The following THSD7B variants were observed in gnomAD, a reference collection of about 807,000 sequenced individuals.
THSD7B encodes the protein thrombospondin type-1 domain-containing protein 7B.
In THSD7B, 138 loss-of-function variants were observed where a neutral mutation model predicts 213.6. The ratio of observed to expected loss-of-function variants is 0.65; its 90% CI spans 0.56 to 0.74. The LOEUF is 0.74. Ranked by LOEUF, THSD7B falls within the 30% of genes least tolerant of loss-of-function variation. The pLI is 0.00. For synonymous variants in THSD7B, 742 were observed against 687.0 expected (o/e 1.08, Z -1.25); for missense variants, 1,931 against 1,991.5 (o/e 0.97, Z 0.58).
chr2:137,652,477 C>T (rs1683159606), intron 21 of THSD7B, among the ~76,000 whole-genome samples: 1 of 152,028 alleles, frequency 6.6e-6, no homozygotes, highest in African/African-American at 2.4e-5. Flanking sequence ...TTCTTGTAGA[C>T]AGTATATACT....
intron 1 of THSD7B, among the ~76,000 whole-genome samples, chr2:136,877,029 A>T (rs1355737061): frequency 6.6e-6 from 1 of 152,058 alleles, no homozygotes; most frequent in Non-Finnish European, 1.5e-5. Context: ...CCTGATGGTG[A>T]TGTGTGCGTC....
At chr2:137,377,942 G>A (rs1161931716) in intron 12 of THSD7B, among the ~76,000 whole-genome samples, 1 of 152,126 alleles carries the variant, frequency 6.6e-6, no homozygotes, top group African/African-American at 2.4e-5. Context: ...ACCCTTTAAA[G>A]TGTACTATTT....
Position 137,043,923 on chromosome 2 carries a change from C to T in THSD7B, c.140-12497C>T, listed in dbSNP as rs376003956. Among the ~76,000 whole-genome samples, 14 of 152,318 alleles carry T rather than the reference C, an allele frequency of 9.2e-5. No individual in the cohort carries two copies. In the South Asian group the frequency reaches 1.0e-3, roughly 11 times the overall value. On this transcript the variant is annotated intron_variant, in intron 2 of 27. Transcript: ENST00000409968. ...ACACATCTCTCCCATCCTTTAACCC[C>T]CACACTGAAGGTGAGTACTAGGTTT...
chr2:137,195,406 A>C (rs925706588), intron 7 of THSD7B, among the ~76,000 whole-genome samples: 1 of 152,044 alleles, frequency 6.6e-6, no homozygotes, highest in Admixed American at 6.6e-5. Context: ...TACTAAAATA[A>C]CCCTGGGCCC....
intron 2 of THSD7B, among the ~76,000 whole-genome samples, chr2:136,886,567 T>C (rs1055821809): frequency 6.6e-6 from 1 of 152,190 alleles, no homozygotes; most frequent in Non-Finnish European, 1.5e-5. Flanking sequence ...TACTGATGTG[T>C]GTTGAGTAAA....
chr2:137,588,832 C>T (rs775574187), intron 17 of THSD7B, among the ~76,000 whole-genome samples: 1 of 151,740 alleles, frequency 6.6e-6, no homozygotes, highest in Non-Finnish European at 1.5e-5. Flanking sequence ...GTTGCTCAGG[C>T]TGGAGTGCAA....
chr2:136,790,115 GTGTT>G (rs1397793362), intron 1 of THSD7B, among the ~76,000 whole-genome samples: 2 of 146,458 alleles, frequency 1.4e-5, no homozygotes, highest in Non-Finnish European at 3.1e-5. Flanking sequence ...GTTTGTGTGT[GTGTT>G]TGTGTGTGTG....
intron 12 of THSD7B, among the ~76,000 whole-genome samples, chr2:137,384,645 G>T (rs1685852286): frequency 6.6e-6 from 1 of 152,164 alleles, no homozygotes. Context: ...CTCTACAGGG[G>T]CCCCACTCCA....
chr2:136,991,327 A>G (rs1272111787), intron 2 of THSD7B, among the ~76,000 whole-genome samples: 3 of 152,232 alleles, frequency 2.0e-5, no homozygotes, highest in African/African-American at 2.4e-5. Context: ...CTTTGGTCAC[A>G]TGAAGGATAT....
At chr2:136,959,951 C>T (rs965314903) in intron 2 of THSD7B, among the ~76,000 whole-genome samples, 6 of 152,112 alleles carry the variant, frequency 3.9e-5, no homozygotes, top group Admixed American at 6.5e-5. Flanking sequence ...AATCAGAATC[C>T]GCACCTGGAT....
chr2:137,132,192 G>T (rs1300730427), intron 5 of THSD7B, among the ~76,000 whole-genome samples: 2 of 151,078 alleles, frequency 1.3e-5, no homozygotes, highest in African/African-American at 4.9e-5. Flanking sequence ...GTCTGTTATT[G>T]GTGTATAAGT....
intron 12 of THSD7B, among the ~76,000 whole-genome samples, chr2:137,314,902 C>G (rs963896174): frequency 7.2e-5 from 11 of 152,332 alleles, no homozygotes; most frequent in African/African-American, 2.2e-4. Flanking sequence ...AACCACTGCT[C>G]TCTTCAACGC....
intron 2 of THSD7B, among the ~76,000 whole-genome samples, chr2:137,049,669 A>T (rs62171224): frequency 6.6e-6 from 1 of 152,128 alleles, no homozygotes; most frequent in Admixed American, 6.5e-5. Flanking sequence ...CAGCAGTTTG[A>T]CTGATGTTCT....
chr2:137,542,186 A>C (rs542233021), intron 15 of THSD7B, among the ~76,000 whole-genome samples: 1 of 151,704 alleles, frequency 6.6e-6, no homozygotes. Flanking sequence ...AACATAAAGA[A>C]TCTTGACAGC....
intron 15 of THSD7B, among the ~76,000 whole-genome samples, chr2:137,463,629 A>G (rs1286825430): frequency 3.3e-5 from 5 of 152,086 alleles, no homozygotes; most frequent in Non-Finnish European, 7.4e-5. Flanking sequence ...GCCTGGAAGT[A>G]AAAGTCTCCA....
In THSD7B at chr2:137,095,138, C is replaced by T. The variant is rs774864699; in HGVS notation, c.1199+17C>T. 8 of 1,611,280 alleles carry T rather than the reference C, an allele frequency of 5.0e-6. No individual in the cohort carries two copies. The highest frequency in any genetic ancestry group is 6.8e-6 in the Non-Finnish European group (8 of 1,177,968). On this transcript the variant is annotated intron_variant, in intron 4 of 27. Transcript: ENST00000409968. ...ATGTCCCAGGTATTACGCCTTTATG[C>T]CTTCTTTAGTGTGAAGGAGGCATAA... is the stretch of plus-strand genomic sequence containing the variant.
At chr2:137,437,869 A>G (rs1057441920) in intron 14 of THSD7B, among the ~76,000 whole-genome samples, 9 of 152,168 alleles carry the variant, frequency 5.9e-5, no homozygotes, top group African/African-American at 2.2e-4. Context: ...GGAAATAGAT[A>G]AAAATTCACA....
intron 15 of THSD7B, among the ~76,000 whole-genome samples, chr2:137,557,946 T>C (rs1300853849): frequency 6.6e-6 from 1 of 152,044 alleles, no homozygotes; most frequent in Non-Finnish European, 1.5e-5. Flanking sequence ...TCTATGCAAA[T>C]AAACTAGAAA....
intron 4 of THSD7B, among the ~76,000 whole-genome samples, chr2:137,106,694 A>G (rs1363967828): frequency 1.3e-5 from 2 of 152,180 alleles, no homozygotes; most frequent in African/African-American, 4.8e-5. Context: ...AAACAAATTT[A>G]CAGGAAGAAA....
Sources: allele counts gnomAD v4.1 joint callset (sites outside exome capture counted in the v4.1 genomes callset), GRCh38; gene constraint gnomAD v4.1.1; transcripts MANE v1.5; gene names NCBI Gene and HGNC (gene_info 2026-07-23, HGNC 2026-07-21).